Variants in ELOA observed in about 807,000 individuals in gnomAD.
ELOA encodes elongin-A.
Under a neutral mutation model 85.2 loss-of-function variants are expected in ELOA, and 15 were observed. The observed-to-expected ratio is 0.18, with a 90% CI of 0.12 to 0.27. The LOEUF (loss-of-function observed/expected upper bound fraction) is 0.27. ELOA is among the 10% of genes least tolerant of loss of function. ELOA has a pLI of 1.00. For synonymous variants in ELOA, 348 were observed against 357.2 expected (o/e 0.97, Z 0.29); for missense variants, 769 against 952.7 (o/e 0.81, Z 2.54).
chr1:23,755,494 A>T (rs1235765630), intron 7 of ELOA, among the ~76,000 whole-genome samples: 1 of 152,174 alleles, frequency 6.6e-6, no homozygotes, highest in Non-Finnish European at 1.5e-5. Flanking sequence ...TCAGAAAAAG[A>T]TATGAGGCTG....
At position 23,759,795 on chromosome 1, in the gene ELOA, C is replaced by G; in HGVS notation, c.*222C>G. 1.8e-6 allele frequency: 1 copy of G among 557,702 alleles called. No individual in the cohort carries two copies. The highest frequency in any genetic ancestry group is 3.2e-6 in the Non-Finnish European group (1 of 312,780). 34.5% of individuals were successfully genotyped at this position (557,702 alleles called of 1,614,324 possible). A position where few individuals can be genotyped will look rare whatever the true frequency, so the allele number is the denominator to read the frequency against. ...AATTCTGAAGATGTGAAGCCTCTGTCTCACTGAGGATTTTAAAGGTCAATT... is the reference window on the plus strand; with the variant it reads ...AATTCTGAAGATGTGAAGCCTCTGTGTCACTGAGGATTTTAAAGGTCAATT... On this transcript the variant is annotated 3_prime_UTR_variant, in exon 11 of 11. Transcript: ENST00000613537.
At chr1:23,745,502 A>G (rs995305894) in intron 1 of ELOA, among the ~76,000 whole-genome samples, 9 of 151,426 alleles carry the variant, frequency 5.9e-5, no homozygotes, top group Admixed American at 2.0e-4. Context: ...ACCTAGTTGA[A>G]CTATTAATGA....
chr1:23,743,560 G>A lies in ELOA; in HGVS notation c.57G>A (p.Ala19=). 1 of 1,495,530 alleles carries A rather than the reference G, an allele frequency of 6.7e-7. No individual in the cohort carries two copies. Among genetic ancestry groups the A allele is most frequent in the Non-Finnish European group, 8.9e-7 (1 of 1,127,660 alleles). The allele number at this position is 1,495,530 out of a possible 1,614,324, so 92.6% of individuals were successfully genotyped here. A position where few individuals can be genotyped will look rare whatever the true frequency, so the allele number is the denominator to read the frequency against. The change falls in exon 1 of 11, where the codon GCG becomes GCA. Residue 19 remains alanine (A), a synonymous_variant. Coordinates refer to ENST00000613537, the MANE Select transcript of ELOA (RefSeq NM_003198.3). The stretch of plus-strand genomic sequence containing the variant: ...AGAAGCTGCAGGCGCGCCTGGCCGC[G>A]AACCCGGACCCTAAGAAGGTAAGCG... ...VVEKLQARLA[A]NPDPKKLLKY... is the part of the protein sequence containing the mutation.
At chr1:23,747,896 C>T (rs78417726) in intron 1 of ELOA, among the ~76,000 whole-genome samples, 3,429 of 152,292 alleles carry the variant, frequency 0.023, 112 homozygotes, top group African/African-American at 0.074. Context: ...GTCTGGGCCA[C>T]ACATGGTAAA....
Position 23,759,627 on chromosome 1 carries a change from TG to T in ELOA, c.*59del. On this transcript the variant is annotated 3_prime_UTR_variant, in exon 11 of 11. Transcript: ENST00000613537. ...TGGGGAGGCAGGAATACAAGGACAG[TG>T]GGGGTTGGGGAATGGAATTCTACAG... 1 of 1,588,006 alleles carries T rather than the reference TG, an allele frequency of 6.3e-7. No individual in the cohort carries two copies.
At chr1:23,752,067 A>G (rs571078511) in intron 4 of ELOA, 37 bp downstream of exon 4, 1 of 1,544,914 alleles carries the variant, frequency 6.5e-7, no homozygotes, top group East Asian at 2.2e-5. Context: ...TCCCACCCAG[A>G]GCACCTGGCC....
At chr1:23,743,844 G>C (rs962865021) in intron 1 of ELOA, among the ~76,000 whole-genome samples, 5 of 152,168 alleles carry the variant, frequency 3.3e-5, no homozygotes, top group Non-Finnish European at 7.4e-5. Flanking sequence ...CGTGCCTAGC[G>C]CTTCCTCCCA....
chr1:23,743,901 G>T, intron 1 of ELOA: 1 of 218,902 alleles, frequency 4.6e-6, no homozygotes, highest in Non-Finnish European at 9.0e-6. Flanking sequence ...GCGGGAGAGC[G>T]TGCCCGGGGC....
intron 2 of ELOA, 81 bp downstream of exon 2, chr1:23,749,158 A>G (rs1281991951): frequency 3.2e-6 from 4 of 1,249,758 alleles, no homozygotes; most frequent in Admixed American, 3.6e-5. Context: ...TAAGGTTACA[A>G]GTATGGGCTT....
At chr1:23,756,875 A>G in intron 9 of ELOA, 78 bp from the exon 10 acceptor site, 4 of 1,389,038 alleles carry the variant, frequency 2.9e-6, no homozygotes, top group Non-Finnish European at 3.8e-6. Context: ...TCATCCTCAC[A>G]CAGGCCAGCT....
At chr1:23,758,583 A>G (rs1377146550) in intron 10 of ELOA, among the ~76,000 whole-genome samples, 1 of 147,988 alleles carries the variant, frequency 6.8e-6, no homozygotes, top group African/African-American at 2.5e-5. Flanking sequence ...GGGTCTTCCA[A>G]ATATTTATTC....
chr1:23,743,634 A>G (rs1570588091), intron 1 of ELOA, 56 bp downstream of exon 1: 1 of 1,425,436 alleles, frequency 7.0e-7, no homozygotes, highest in East Asian at 3.1e-5. Flanking sequence ...AGGGCCCCGT[A>G]ACGGTCGCGG....
chr1:23,743,587 G>C lies in ELOA; in HGVS notation c.75+9G>C, dbSNP rs1049125525. On this transcript the variant is annotated intron_variant, in intron 1 of 10. Transcript: ENST00000613537. ...ACCCGGACCCTAAGAAGGTAAGCGA[G>C]GGGGCGGCGCGTAGCGGGATGGGCG... is the stretch of plus-strand genomic sequence containing the variant. 1.4e-6 allele frequency: 2 copies of C among 1,481,402 alleles called. No individual in the cohort carries two copies. Among genetic ancestry groups the C allele is most frequent in the African/African-American group, 1.5e-5 (1 of 68,470 alleles). The allele number at this position is 1,481,402 out of a possible 1,614,324, so 91.8% of individuals were successfully genotyped here.
chr1:23,758,439 A>G (rs1638242986), intron 10 of ELOA, among the ~76,000 whole-genome samples: 1 of 149,022 alleles, frequency 6.7e-6, no homozygotes, highest in Non-Finnish European at 1.5e-5. Context: ...AAGCCCAGCT[A>G]ATTTTTTGTA....
Position 23,759,628 on chromosome 1 carries a change from G to C in ELOA, c.*55G>C, listed in dbSNP as rs1202920729. 8 of 1,587,716 alleles carry C rather than the reference G, an allele frequency of 5.0e-6. No individual in the cohort carries two copies. Among genetic ancestry groups the C allele is most frequent in the Non-Finnish European group, 6.1e-6 (7 of 1,156,248 alleles). On this transcript the variant is annotated 3_prime_UTR_variant, in exon 11 of 11. Transcript: ENST00000613537. ...GGGGAGGCAGGAATACAAGGACAGTGGGGGTTGGGGAATGGAATTCTACAG... is the reference window on the plus strand; with the variant it reads ...GGGGAGGCAGGAATACAAGGACAGTCGGGGTTGGGGAATGGAATTCTACAG...
chr1:23,746,919 C>G (rs1644749804), intron 1 of ELOA, among the ~76,000 whole-genome samples: 1 of 152,164 alleles, frequency 6.6e-6, no homozygotes, highest in Admixed American at 6.5e-5. Flanking sequence ...TTGAAATTTA[C>G]TGAAAATAGA....
intron 1 of ELOA, among the ~76,000 whole-genome samples, chr1:23,744,989 G>A (rs1003184290): frequency 1.3e-5 from 2 of 152,126 alleles, no homozygotes; most frequent in African/African-American, 4.8e-5. Flanking sequence ...CCTTGTTCTA[G>A]CCTGTTGGAG....
chr1:23,750,151 T>C (rs1039353575), intron 3 of ELOA, among the ~76,000 whole-genome samples: 4 of 149,658 alleles, frequency 2.7e-5, no homozygotes, highest in African/African-American at 9.8e-5. Flanking sequence ...ACAAACGTTA[T>C]GAACATTTTG....
chr1:23,756,310 C>T lies in ELOA; in HGVS notation c.2009C>T (p.Ala670Val). 6.3e-7 allele frequency: 1 copy of T among 1,574,830 alleles called. No individual in the cohort carries two copies. The highest frequency in any genetic ancestry group is 8.6e-7 in the Non-Finnish European group (1 of 1,159,842). ...QAKMAFVNSV[A>V]KPPRDVRRRQ... is the part of the protein sequence containing the mutation. ...AAGATGGCCTTTGTCAACTCTGTGGCCAAGCCACCTCGTGACGTCCGGAGG... is the reference window on the plus strand; with the variant it reads ...AAGATGGCCTTTGTCAACTCTGTGGTCAAGCCACCTCGTGACGTCCGGAGG... Residue 670 changes from alanine to valine, a missense_variant, in exon 9 of 11, where the codon GCC becomes GTC. Physicochemically the swap from Ala to Val is moderately conservative, Grantham distance 64. Around this residue, in one of 4 missense-constraint regions of ELOA, gnomAD observed 116 missense variants for 141.0 expected, o/e 0.82. Transcript: ENST00000613537.
Sources: gnomAD v4.1 joint callset for allele counts (sites outside exome capture counted in the v4.1 genomes callset) on GRCh38, gnomAD v4.1.1 for gene constraint, gnomAD v4.1.1 regional missense constraint, MANE v1.5 for transcripts, NCBI Gene and HGNC (gene_info 2026-07-23, HGNC 2026-07-21) for gene names.